Variants in GALNS observed in about 807,000 individuals in gnomAD.
GALNS encodes the protein N-acetylgalactosamine-6-sulfatase.
A neutral mutation model predicts 65.9 loss-of-function variants in GALNS; 65 were observed. The ratio of observed to expected loss-of-function variants is 0.99; its 90% CI spans 0.81 to 1.21. The LOEUF is 1.21. GALNS is among the 50% of genes most tolerant of loss of function. GALNS has a pLI of 0.00. For missense variants in GALNS, 776 were observed against 700.7 expected (o/e 1.11, Z -1.21); for synonymous variants, 346 against 288.9 (o/e 1.20, Z -2.00).
Position 88,845,840 on chromosome 16 carries a change from A to T in GALNS, c.121-3011T>A, listed in dbSNP as rs113180880. Reference sequence around the variant, plus strand: ...GACTCCAACTCTAAAAAAAAAAAAAAAGCCAAGTGTGGTGGTGTGTACCTG... The same window carrying T: ...GACTCCAACTCTAAAAAAAAAAAAATAGCCAAGTGTGGTGGTGTGTACCTG... On this transcript the variant is annotated intron_variant, in intron 1 of 13. Coordinates refer to ENST00000268695, the MANE Select transcript of GALNS (RefSeq NM_000512.5). 2.7e-3 allele frequency among the ~76,000 whole-genome samples: 407 copies of T among 151,788 alleles called. 1 individual carries two copies. The highest frequency in any genetic ancestry group is 9.2e-3 in the African/African-American group (381 of 41,400).
intron 13 of GALNS, chr16:88,815,658 A>T: frequency 1.0e-6 from 1 of 985,452 alleles, no homozygotes; most frequent in Non-Finnish European, 1.2e-6. Flanking sequence ...CATGGCCCTG[A>T]GGGCACTTTC....
chr16:88,837,692 G>C lies in GALNS; in HGVS notation c.496C>G (p.His166Asp). Reference sequence around the variant, plus strand: ...GCCTTGTTGTCATAAGGTCCAAAGTGGCAGTTGGGGGATCCAAACCACTCA... The same window carrying C: ...GCCTTGTTGTCATAAGGTCCAAAGTCGCAGTTGGGGGATCCAAACCACTCA... ...FDEWFGSPNC[H>D]FGPYDNKARP... The change falls in exon 5 of 14, where the codon CAC becomes GAC. Residue 166 changes from histidine to aspartate, a missense_variant. Transcript: ENST00000268695. 1 of 1,614,050 alleles carries C rather than the reference G, an allele frequency of 6.2e-7. No individual in the cohort carries two copies. Among genetic ancestry groups the C allele is most frequent in the Non-Finnish European group, 8.5e-7 (1 of 1,179,986 alleles).
At position 88,818,173 on chromosome 16, in the gene GALNS, C is replaced by A. The variant is rs374858508; in HGVS notation, c.1365-49G>T. ...CACGGCTGGGGCTGACAGCGAAGGA[C>A]GGAGAGGGGCTGGCCTGGACAGGCT... On this transcript the variant is annotated intron_variant, in intron 12 of 13. Coordinates refer to ENST00000268695, the MANE Select transcript of GALNS (RefSeq NM_000512.5). 8 of 1,447,366 alleles carry A rather than the reference C, an allele frequency of 5.5e-6. No individual in the cohort carries two copies. In the African/African-American group the frequency reaches 9.7e-5, roughly 18 times the overall value. The allele number at this position is 1,447,366 out of a possible 1,614,324, so 89.7% of individuals were successfully genotyped here.
intron 12 of GALNS, among the ~76,000 whole-genome samples, chr16:88,821,291 T>C (rs60396196): frequency 0.054 from 8,182 of 152,186 alleles, 252 homozygotes; most frequent in South Asian, 0.094. Context: ...GGTGGCGCTC[T>C]GTCCAGTCCC....
At chr16:88,845,930 G>A (rs966789355) in intron 1 of GALNS, among the ~76,000 whole-genome samples, 5 of 151,956 alleles carry the variant, frequency 3.3e-5, no homozygotes, top group Admixed American at 1.3e-4. Flanking sequence ...TGAGGCTGCC[G>A]TGAGCCATGA....
intron 13 of GALNS, chr16:88,816,736 G>A (rs1004710134): frequency 2.0e-5 from 20 of 985,454 alleles, no homozygotes; most frequent in East Asian, 2.3e-4. Context: ...CCCACGGCAC[G>A]GCGGGCACCC....
rs949418132 is a variant in GALNS, at chr16:88,850,930, G to A, written c.120+5828C>T. Among the ~76,000 whole-genome samples the A allele has an allele frequency of 4.6e-5, 7 of 152,302 alleles. No individual in the cohort carries two copies. The East Asian group carries it at 7.7e-4, about 17-fold the overall frequency. ...TGAGCTGCTCCTATCAGCGAACAGC[G>A]GGGGGACCTCCTGTTCCCAGACGCC... On this transcript the variant is annotated intron_variant, in intron 1 of 13. Coordinates refer to ENST00000268695, the MANE Select transcript of GALNS (RefSeq NM_000512.5).
rs1910642815 is a variant in GALNS, at chr16:88,824,855, T to C, written c.1154A>G (p.Tyr385Cys). The change falls in exon 11 of 14, where the codon TAC becomes TGC. Residue 385 changes from tyrosine (Y) to cysteine (C), a missense_variant. Tyr to Cys is a radical substitution (Grantham distance 194). Coordinates refer to ENST00000268695, the MANE Select transcript of GALNS (RefSeq NM_000512.5). ...GRLMDRPIFY[Y>C]RGDTLMAATL... ...GGCCGCCATCAGCGTGTCGCCACGG[T>C]AATAGAAGATAGGCCTGTGGGATGG... 1 of 1,613,166 alleles carries C rather than the reference T, an allele frequency of 6.2e-7. No individual in the cohort carries two copies.
chr16:88,853,999 G>A (rs1358854758), intron 1 of GALNS, among the ~76,000 whole-genome samples: 2 of 152,174 alleles, frequency 1.3e-5, no homozygotes, highest in African/African-American at 4.8e-5. Flanking sequence ...CTAGTTTTGG[G>A]GACAACCCTT....
intron 1 of GALNS, among the ~76,000 whole-genome samples, chr16:88,845,888 T>A (rs951906284): frequency 6.7e-6 from 1 of 149,386 alleles, no homozygotes; most frequent in African/African-American, 2.5e-5. Flanking sequence ...CTCAGGAGGC[T>A]GAGGTAGGAG....
intron 1 of GALNS, chr16:88,855,445 A>C (rs190743001): frequency 7.1e-6 from 5 of 702,872 alleles, no homozygotes; most frequent in East Asian, 2.7e-5. Flanking sequence ...GATGCCACTC[A>C]GTGCAGAGAA....
intron 8 of GALNS, among the ~76,000 whole-genome samples, chr16:88,832,524 G>T (rs534974591): frequency 2.3e-4 from 35 of 152,318 alleles, no homozygotes; most frequent in African/African-American, 6.7e-4. Flanking sequence ...CAGTCACGGT[G>T]GGGCGTAGGA....
At chr16:88,853,856 G>T (rs898699570) in intron 1 of GALNS, among the ~76,000 whole-genome samples, 3 of 152,196 alleles carry the variant, frequency 2.0e-5, no homozygotes, top group Admixed American at 6.5e-5. Context: ...TGGACAGGTG[G>T]GGGCTCTTGC....
At chr16:88,844,751 A>G (rs772505551) in intron 1 of GALNS, 4 of 152,262 alleles carry the variant, frequency 2.6e-5, no homozygotes, top group Non-Finnish European at 5.9e-5. Context: ...CATTCAACGC[A>G]TATTTATTTC....
At chr16:88,828,691 C>T (rs189913331) in intron 9 of GALNS, among the ~76,000 whole-genome samples, 6 of 152,368 alleles carry the variant, frequency 3.9e-5, no homozygotes, top group Non-Finnish European at 7.4e-5. Context: ...GGTTCCAAAA[C>T]GCTGAAATTG....
In GALNS at chr16:88,856,938, C is replaced by G; in HGVS notation, c.-61G>C. ...GCCGACCTAGCGAGCGTCCGCCGGC[C>G]CTTCCGGCTGGGCTGCGGGGCGGGG... On this transcript the variant is annotated 5_prime_UTR_variant, in exon 1 of 14. Transcript: ENST00000268695. 6.8e-7 allele frequency: 1 copy of G among 1,464,270 alleles called. No individual in the cohort carries two copies. Among genetic ancestry groups the G allele is most frequent in the Non-Finnish European group, 9.0e-7 (1 of 1,116,930 alleles). The allele number at this position is 1,464,270 out of a possible 1,614,324, so 90.7% of individuals were successfully genotyped here. A position where few individuals can be genotyped will look rare whatever the true frequency, so the allele number is the denominator to read the frequency against.
At position 88,831,136 on chromosome 16, in the gene GALNS, G is replaced by A. The variant is rs1297130456; in HGVS notation, c.1002+862C>T. 2.6e-5 allele frequency among the ~76,000 whole-genome samples: 4 copies of A among 152,246 alleles called. No individual in the cohort carries two copies. In the East Asian group the frequency reaches 7.7e-4, roughly 29 times the overall value. On this transcript the variant is annotated intron_variant, in intron 9 of 13. Transcript: ENST00000268695. ...TACGTGGCTCCAGTCCCCACCGAGA[G>A]CCTTCCTGCCTGTCTGACCAAGCAC...
chr16:88,817,541 C>T, intron 13 of GALNS: 1 of 985,128 alleles, frequency 1.0e-6, no homozygotes, highest in South Asian at 4.7e-5. Context: ...CACCAGCCCA[C>T]CCGGGACCCA....
chr16:88,855,270 G>C (rs981187778), intron 1 of GALNS: 24 of 700,002 alleles, frequency 3.4e-5, no homozygotes, highest in Non-Finnish European at 6.0e-5. Flanking sequence ...AAACTTAACA[G>C]GGAGGCTTCA....
Sources: gnomAD v4.1 joint callset for allele counts (sites outside exome capture counted in the v4.1 genomes callset) on GRCh38, gnomAD v4.1.1 for gene constraint, MANE v1.5 for transcripts, NCBI Gene and HGNC (gene_info 2026-07-23, HGNC 2026-07-21) for gene names.